The following RASAL2 variants were observed in gnomAD, a reference collection of about 807,000 sequenced individuals.
The protein encoded by RASAL2 is ras GTPase-activating protein nGAP.
A neutral mutation model predicts 128.9 loss-of-function variants in RASAL2; 58 were observed. That is an observed-to-expected ratio of 0.45 (90% CI 0.36 to 0.56). The LOEUF is 0.56. RASAL2 is among the 20% of genes least tolerant of loss of function. RASAL2 has a pLI of 0.00. For missense variants in RASAL2, 1,360 were observed against 1,601.6 expected (o/e 0.85, Z 2.57); for synonymous variants, 561 against 580.8 (o/e 0.97, Z 0.49).
At chr1:178,303,960 G>A (rs1411559526) in intron 3 of RASAL2, among the ~76,000 whole-genome samples, 3 of 152,090 alleles carry the variant, frequency 2.0e-5, no homozygotes, top group African/African-American at 7.2e-5. Flanking sequence ...TAGTGATTGG[G>A]AGAAATATAA....
chr1:178,121,865 A>C (rs538765527), intron 1 of RASAL2, among the ~76,000 whole-genome samples: 1 of 152,200 alleles, frequency 6.6e-6, no homozygotes, highest in South Asian at 2.1e-4. Flanking sequence ...TATAGCTTAA[A>C]ACAAAACAAT....
At chr1:178,371,466 A>C (rs1361816409) in intron 3 of RASAL2, among the ~76,000 whole-genome samples, 2 of 152,012 alleles carry the variant, frequency 1.3e-5, no homozygotes, top group East Asian at 1.9e-4. Context: ...AATTCTTATG[A>C]AGTGGACTTG....
intron 5 of RASAL2, among the ~76,000 whole-genome samples, chr1:178,423,251 G>A (rs1272918641): frequency 6.6e-6 from 1 of 152,066 alleles, no homozygotes. Context: ...AAATAGAGAT[G>A]TCATGAACAT....
chr1:178,182,937 T>A (rs1278843676), intron 1 of RASAL2, among the ~76,000 whole-genome samples: 1 of 152,160 alleles, frequency 6.6e-6, no homozygotes, highest in Admixed American at 6.5e-5. Flanking sequence ...GTAAGGAGTG[T>A]GCAGCCTAGA....
intron 2 of RASAL2, among the ~76,000 whole-genome samples, chr1:178,294,598 ACTATCTGT>A (rs1456566550): frequency 2.0e-5 from 3 of 152,198 alleles, no homozygotes; most frequent in Non-Finnish European, 4.4e-5. Flanking sequence ...CCACCCCCTC[ACTATCTGT>A]CTATCTGTCT....
At chr1:178,165,354 CT>C (rs1470231250) in intron 1 of RASAL2, among the ~76,000 whole-genome samples, 1 of 152,080 alleles carries the variant, frequency 6.6e-6, no homozygotes, top group Non-Finnish European at 1.5e-5. Flanking sequence ...CACGTATAGA[CT>C]TTTTTCTTGT....
chr1:178,209,575 T>G (rs1029320694), intron 1 of RASAL2, among the ~76,000 whole-genome samples: 1 of 152,202 alleles, frequency 6.6e-6, no homozygotes, highest in African/African-American at 2.4e-5. Context: ...TGTTTTGAAA[T>G]AGCATGATGA....
chr1:178,236,387 A>G (rs1006766987), intron 1 of RASAL2, among the ~76,000 whole-genome samples: 1 of 138,830 alleles, frequency 7.2e-6, no homozygotes, highest in Admixed American at 7.1e-5. Flanking sequence ...TGGTTTCCAA[A>G]AATCAGAGAT....
chr1:178,451,053 A>G (rs192193242), intron 9 of RASAL2, among the ~76,000 whole-genome samples: 32 of 152,322 alleles, frequency 2.1e-4, no homozygotes, highest in African/African-American at 7.2e-4. Flanking sequence ...GAGATCTGCT[A>G]TATTATTGTG....
chr1:178,184,252 G>A (rs1019454603), intron 1 of RASAL2, among the ~76,000 whole-genome samples: 1 of 151,974 alleles, frequency 6.6e-6, no homozygotes, highest in Non-Finnish European at 1.5e-5. Flanking sequence ...TTTATATCTT[G>A]TCTTTTGACT....
intron 2 of RASAL2, among the ~76,000 whole-genome samples, chr1:178,287,316 T>C (rs2102227483): frequency 6.6e-6 from 1 of 152,024 alleles, no homozygotes; most frequent in East Asian, 1.9e-4. Context: ...CAAAACATTT[T>C]CCCACTTCAG....
intron 1 of RASAL2, among the ~76,000 whole-genome samples, chr1:178,125,913 G>A (rs728569): frequency 0.11 from 16,631 of 152,124 alleles, 1,168 homozygotes; most frequent in African/African-American, 0.19. Flanking sequence ...CATATTTTTG[G>A]CCAATTGGCA....
intron 4 of RASAL2, among the ~76,000 whole-genome samples, chr1:178,411,179 C>G (rs1035159780): frequency 6.6e-6 from 1 of 151,682 alleles, no homozygotes; most frequent in Non-Finnish European, 1.5e-5. Context: ...CACACACACA[C>G]ACACACACAC....
At chr1:178,334,374 T>A (rs1050115465) in intron 3 of RASAL2, among the ~76,000 whole-genome samples, 1 of 151,966 alleles carries the variant, frequency 6.6e-6, no homozygotes, top group African/African-American at 2.4e-5. Context: ...GTTTTGCTCT[T>A]GTCACCCAGG....
chr1:178,242,461 C>CA (rs750524739), intron 1 of RASAL2, among the ~76,000 whole-genome samples: 38 of 118,100 alleles, frequency 3.2e-4, no homozygotes, highest in South Asian at 5.3e-4. Flanking sequence ...CTCTCTCTCT[C>CA]TCTCTCTCTC....
At chr1:178,385,072 A>G (rs1228013925) in intron 3 of RASAL2, among the ~76,000 whole-genome samples, 1 of 152,228 alleles carries the variant, frequency 6.6e-6, no homozygotes, top group African/African-American at 2.4e-5. Context: ...CCCTCAGTTA[A>G]TATGATAGAC....
intron 1 of RASAL2, among the ~76,000 whole-genome samples, chr1:178,207,677 A>G (rs569733534): frequency 4.5e-4 from 69 of 152,316 alleles, no homozygotes; most frequent in Middle Eastern, 3.4e-3. Flanking sequence ...TGAAAAATGC[A>G]TATGGTTAAT....
chr1:178,454,587 T>C lies in RASAL2; in HGVS notation c.2150T>C (p.Leu717Pro), dbSNP rs1677633466. 6.2e-7 allele frequency: 1 copy of C among 1,613,860 alleles called. No individual in the cohort carries two copies. Among genetic ancestry groups the C allele is most frequent in the Non-Finnish European group, 8.5e-7 (1 of 1,179,870 alleles). ...CCAGGCTTTGATGGTTACATTGATCTGGGCCGAGAGCTTTCAGTTTTGCAT... is the reference window on the plus strand; with the variant it reads ...CCAGGCTTTGATGGTTACATTGATCCGGGCCGAGAGCTTTCAGTTTTGCAT... ...NTPGFDGYID[L>P]GRELSVLHSL... is the part of the protein sequence containing the mutation. Residue 717 changes from leucine (L) to proline (P), a missense_variant, in exon 12 of 18, where the codon CTG becomes CCG. Coordinates refer to ENST00000367649, the MANE Select transcript of RASAL2 (RefSeq NM_170692.4).
At chr1:178,211,840 G>A (rs990461874) in intron 1 of RASAL2, among the ~76,000 whole-genome samples, 3 of 152,048 alleles carry the variant, frequency 2.0e-5, no homozygotes, top group Non-Finnish European at 2.9e-5. Flanking sequence ...ACCAACCATC[G>A]TAACAGTTAC....
Sources: allele counts gnomAD v4.1 joint callset (sites outside exome capture counted in the v4.1 genomes callset), GRCh38; gene constraint gnomAD v4.1.1; transcripts MANE v1.5; gene names NCBI Gene and HGNC (gene_info 2026-07-23, HGNC 2026-07-21).